The following ALDH1A2 variants were observed in gnomAD, a reference collection of about 807,000 sequenced individuals.
ALDH1A2 encodes aldehyde dehydrogenase 1 family member A2, also known as retinal dehydrogenase 2.
In ALDH1A2, 27 loss-of-function variants were observed where a neutral mutation model predicts 60.3. The observed-to-expected ratio is 0.45, with a 90% CI of 0.33 to 0.62. The LOEUF is 0.62. Among genes scored for constraint, ALDH1A2 ranks in the 20% least tolerant of loss-of-function variants. The probability of loss-of-function intolerance (pLI) is 0.02; values close to 1 mark genes in which losing one functional copy is unlikely to be tolerated. For synonymous variants in ALDH1A2, 289 were observed against 232.4 expected, an observed-to-expected ratio of 1.24 and a Z score of -2.21; for missense variants, 581 against 643.8, an observed-to-expected ratio of 0.90 and a Z score of 1.06.
At chr15:57,972,701 C>G (rs1894111345) in intron 7 of ALDH1A2, among the ~76,000 whole-genome samples, 1 of 152,140 alleles carries the variant, frequency 6.6e-6, no homozygotes, top group South Asian at 2.1e-4. Context: ...AAGTTTTATG[C>G]TAATAGTTTA....
intron 7 of ALDH1A2, among the ~76,000 whole-genome samples, chr15:57,974,645 T>C (rs1311701963): frequency 1.3e-5 from 2 of 152,012 alleles, no homozygotes; most frequent in Non-Finnish European, 2.9e-5. Context: ...TAGGCCTAAA[T>C]GTAAAACACA....
intron 1 of ALDH1A2, among the ~76,000 whole-genome samples, chr15:58,041,888 G>T (rs571438335): frequency 6.6e-6 from 1 of 151,894 alleles, no homozygotes; most frequent in South Asian, 2.1e-4. Context: ...AACAGTAAGA[G>T]ATTAACAACT....
intron 1 of ALDH1A2, among the ~76,000 whole-genome samples, chr15:58,041,332 G>C (rs1362394359): frequency 2.6e-5 from 4 of 151,940 alleles, no homozygotes; most frequent in African/African-American, 9.7e-5. Flanking sequence ...GGAAACCAGA[G>C]AATTTGCACA....
intron 7 of ALDH1A2, among the ~76,000 whole-genome samples, chr15:57,978,616 T>C (rs1229901354): frequency 1.3e-5 from 2 of 152,166 alleles, no homozygotes; most frequent in Non-Finnish European, 2.9e-5. Flanking sequence ...ATATTTCACA[T>C]TATCTCATGG....
At chr15:58,001,918 T>C (rs1289596104) in intron 4 of ALDH1A2, among the ~76,000 whole-genome samples, 2 of 151,902 alleles carry the variant, frequency 1.3e-5, no homozygotes, top group African/African-American at 4.8e-5. Context: ...AGAACACAAC[T>C]ATGATGGAGA....
intron 4 of ALDH1A2, among the ~76,000 whole-genome samples, chr15:58,000,700 G>A (rs1895235736): frequency 6.6e-6 from 1 of 151,960 alleles, no homozygotes; most frequent in East Asian, 1.9e-4. Context: ...ATGCTATATG[G>A]TGATTCTCAA....
chr15:58,062,809 G>T (rs1897076759), intron 1 of ALDH1A2, among the ~76,000 whole-genome samples: 1 of 152,098 alleles, frequency 6.6e-6, no homozygotes, highest in Admixed American at 6.5e-5. Context: ...ATTGATCATT[G>T]GTATAATATG....
chr15:58,045,935 A>G (rs1322422405), intron 1 of ALDH1A2, among the ~76,000 whole-genome samples: 3 of 151,982 alleles, frequency 2.0e-5, no homozygotes, highest in African/African-American at 7.2e-5. Flanking sequence ...CACTCCACAC[A>G]TGCATTTGAA....
chr15:57,989,687 ATT>A (rs1478686522), intron 7 of ALDH1A2, among the ~76,000 whole-genome samples: 1 of 46,000 alleles, frequency 2.2e-5, no homozygotes, highest in African/African-American at 6.2e-5. Context: ...GTAATGTTAT[ATT>A]CAGGCATCAT....
At chr15:58,054,926 C>A (rs1566962351) in intron 1 of ALDH1A2, among the ~76,000 whole-genome samples, 1 of 151,968 alleles carries the variant, frequency 6.6e-6, no homozygotes, top group East Asian at 1.9e-4. Context: ...TTTTTAAATT[C>A]ATACTCCCAT....
At chr15:57,988,443 A>G (rs1304115772) in intron 7 of ALDH1A2, among the ~76,000 whole-genome samples, 2 of 152,254 alleles carry the variant, frequency 1.3e-5, no homozygotes, top group African/African-American at 4.8e-5. Flanking sequence ...GGGGGATTTT[A>G]GACCCGACCA....
chr15:58,013,955 G>C lies in ALDH1A2; in HGVS notation c.266C>G (p.Ser89Cys), dbSNP rs754093862. Residue 89 changes from serine to cysteine, a missense_variant, in exon 3 of 13, where the codon TCT becomes TGT. Ser to Cys is a moderately radical substitution (Grantham distance 112). Transcript: ENST00000249750. ...CATCCTTCTCCACACTGAACCAAGA[G>C]AGAAAGCCAGGCGGGCTGCCTGCAC... is the stretch of plus-strand genomic sequence containing the variant. ...KAVQAARLAF[S>C]LGSVWRRMDA... 12 of 1,613,960 alleles carry C rather than the reference G, an allele frequency of 7.4e-6. No individual in the cohort carries two copies. Among genetic ancestry groups the C allele is most frequent in the South Asian group, 3.3e-5 (3 of 91,074 alleles).
intron 1 of ALDH1A2, among the ~76,000 whole-genome samples, chr15:58,055,307 G>T (rs114679792): frequency 6.6e-6 from 1 of 151,932 alleles, no homozygotes. Context: ...TATGTGAAAA[G>T]TACTCTGAAT....
At chr15:58,012,448 A>C (rs1895660548) in intron 3 of ALDH1A2, among the ~76,000 whole-genome samples, 1 of 152,192 alleles carries the variant, frequency 6.6e-6, no homozygotes, top group South Asian at 2.1e-4. Flanking sequence ...TTGGTTTTGC[A>C]TGATATTGGT....
At chr15:58,010,979 A>G (rs1361379797) in intron 3 of ALDH1A2, among the ~76,000 whole-genome samples, 10 of 152,188 alleles carry the variant, frequency 6.6e-5, no homozygotes, top group African/African-American at 2.4e-4. Context: ...CAATGAGTAT[A>G]TATGTGCATA....
chr15:58,046,852 G>A (rs1240501558), intron 1 of ALDH1A2, among the ~76,000 whole-genome samples: 1 of 152,048 alleles, frequency 6.6e-6, no homozygotes, highest in African/African-American at 2.4e-5. Context: ...AGAAAAAGTA[G>A]TGGGGCTGGG....
intron 3 of ALDH1A2, chr15:58,012,218 AAATT>A (rs1156790885): frequency 3.3e-5 from 5 of 152,168 alleles, no homozygotes; most frequent in African/African-American, 9.6e-5. Context: ...ATAACTGGAG[AAATT>A]AATTAATCAT....
intron 7 of ALDH1A2, among the ~76,000 whole-genome samples, chr15:57,992,234 T>TTAC (rs1193097255): frequency 6.6e-6 from 1 of 152,172 alleles, no homozygotes; most frequent in Non-Finnish European, 1.5e-5. Flanking sequence ...AAATTTACAT[T>TTAC]TACTATCTAG....
rs1387740869 is a variant in ALDH1A2 at position 57,991,313 on chromosome 15, A to G, written c.798+1392T>C. ...CTTTCATACTCACATTTTGGTTTAA[A>G]TATTTCATTAAACTGCAAAATTACA... On this transcript the variant is annotated intron_variant, in intron 7 of 12. Coordinates refer to ENST00000249750, the MANE Select transcript of ALDH1A2 (RefSeq NM_003888.4). The G allele has an allele frequency of 9.2e-5, 14 of 152,360 alleles. No individual in the cohort carries two copies. The East Asian group carries it at 9.6e-4, about 10-fold the overall frequency. 9.4% of individuals were successfully genotyped at this position (152,360 alleles called of 1,614,324 possible). A position where few individuals can be genotyped will look rare whatever the true frequency, so the allele number is the denominator to read the frequency against.
Sources: gnomAD v4.1 joint callset for allele counts (sites outside exome capture counted in the v4.1 genomes callset) on GRCh38, gnomAD v4.1.1 for gene constraint, MANE v1.5 for transcripts, NCBI Gene and HGNC (gene_info 2026-07-23, HGNC 2026-07-21) for gene names.